The following TDRD1 variants were observed in gnomAD, a reference collection of about 807,000 sequenced individuals.
The protein encoded by TDRD1 is tudor domain-containing protein 1.
TDRD1 carries 37 observed loss-of-function variants against 140.6 expected under a neutral mutation model. The observed-to-expected ratio is 0.26, with a 90% CI of 0.20 to 0.35. The LOEUF (loss-of-function observed/expected upper bound fraction) is 0.35. Among genes scored for constraint, TDRD1 ranks in the 10% least tolerant of loss-of-function variants. TDRD1 has a pLI of 1.00. For synonymous variants in TDRD1, 506 were observed against 475.7 expected, an observed-to-expected ratio of 1.06 and a Z score of -0.83; for missense variants, 1,243 against 1,393.0, an observed-to-expected ratio of 0.89 and a Z score of 1.71.
chr10:114,227,329 A>T (rs1430425099), intron 23 of TDRD1, 30 bp downstream of exon 23: 1 of 1,437,238 alleles, frequency 7.0e-7, no homozygotes, highest in African/African-American at 1.4e-5. Flanking sequence ...TTAATAACAG[A>T]TGTTAAGTGT....
At chr10:114,230,959 G>A (rs1376000444) in intron 25 of TDRD1, among the ~76,000 whole-genome samples, 2 of 151,980 alleles carry the variant, frequency 1.3e-5, no homozygotes, top group Non-Finnish European at 2.9e-5. Flanking sequence ...CCCAGCTACT[G>A]GGGAGGCTGA....
At chr10:114,196,379 T>A (rs939952993) in intron 3 of TDRD1, among the ~76,000 whole-genome samples, 9 of 152,258 alleles carry the variant, frequency 5.9e-5, no homozygotes, top group African/African-American at 2.2e-4. Flanking sequence ...ATCTGAAAAG[T>A]CTTGATTTCC....
chr10:114,227,739 C>T (rs1479339003), intron 23 of TDRD1, among the ~76,000 whole-genome samples, 171 bp from the exon 24 acceptor site: 1 of 152,146 alleles, frequency 6.6e-6, no homozygotes, highest in Non-Finnish European at 1.5e-5. Flanking sequence ...TTAATGTGGT[C>T]AAATCCAGAC....
chr10:114,182,718 C>A (rs189026586), intron 1 of TDRD1, among the ~76,000 whole-genome samples: 411 of 148,296 alleles, frequency 2.8e-3, no homozygotes, highest in Admixed American at 5.1e-3. Context: ...GACAGTCTTG[C>A]TCTGTAGCCC....
chr10:114,201,576 C>T (rs1030911316), intron 5 of TDRD1, 61 bp downstream of exon 5: 7 of 1,412,762 alleles, frequency 5.0e-6, no homozygotes, highest in East Asian at 2.3e-5. Flanking sequence ...ATACAATAAG[C>T]GTCCAATTAG....
rs938140798 is a variant in TDRD1, at chr10:114,192,292, CTTTTTTTTTT to C, written c.384+1293_384+1302del. On this transcript the variant is annotated intron_variant, in intron 3 of 25. Transcript: ENST00000251864. ...TCCCCAAAAAAGTTTGATAGTTTTC[CTTTTTTTTTT>C]TTTTTTTTTTTTTTTTTTTGAGACG... Among the ~76,000 whole-genome samples the C allele has an allele frequency of 2.8e-4, 21 of 75,116 alleles. No individual in the cohort carries two copies. In the South Asian group the frequency reaches 4.8e-3, roughly 17 times the overall value. 49.3% of individuals were successfully genotyped at this position (75,116 alleles called of 152,430 possible). A position where few individuals can be genotyped will look rare whatever the true frequency, so the allele number is the denominator to read the frequency against.
intron 11 of TDRD1, among the ~76,000 whole-genome samples, chr10:114,210,004 G>A (rs2035378656): frequency 1.3e-5 from 2 of 152,128 alleles, no homozygotes; most frequent in Middle Eastern, 6.8e-3. Context: ...TCATTTCTGT[G>A]AGTTTTCTCT....
At chr10:114,208,178 A>G (rs1288644753) in intron 11 of TDRD1, among the ~76,000 whole-genome samples, 1 of 152,106 alleles carries the variant, frequency 6.6e-6, no homozygotes, top group African/African-American at 2.4e-5. Flanking sequence ...TAGGATGGGG[A>G]AGTATTGGTC....
In TDRD1 at chr10:114,213,408, C is replaced by T; in HGVS notation, c.1894C>T (p.Gln632Ter). Residue 632 changes from glutamine (Q) to a stop codon, truncating the protein, a stop_gained, in exon 15 of 26, where the codon CAG becomes TAG. Coordinates refer to ENST00000251864, the Ensembl canonical transcript of TDRD1. LOFTEE classifies it high-confidence loss of function. ...TATTTGTCTCATGAAAAAACTTGTA[C>T]AGAACAAAATAATCACAGTGAAAGT... 1 of 1,613,880 alleles carries T rather than the reference C, an allele frequency of 6.2e-7. No homozygotes were observed.
upstream of TDRD1, among the ~76,000 whole-genome samples, chr10:114,178,715 C>T (rs1253274612): frequency 1.3e-5 from 2 of 152,066 alleles, no homozygotes; most frequent in East Asian, 3.8e-4. Context: ...TACTTTGTCT[C>T]ACATTTACAA....
chr10:114,226,144 C>T lies in TDRD1; in HGVS notation c.3103C>T (p.Leu1035Phe), dbSNP rs141065182. 40 of 1,614,068 alleles carry T rather than the reference C, an allele frequency of 2.5e-5. No homozygotes were observed. In the African/African-American group the frequency reaches 5.1e-4, roughly 20 times the overall value. The change falls in exon 22 of 26, where the codon CTT becomes TTT. Residue 1035 changes from leucine to phenylalanine, a missense_variant. Leu to Phe is a conservative substitution (Grantham distance 22). This residue lies in a region of TDRD1 where 601 missense variants were observed against 734.7 expected (regional missense o/e 0.82). Coordinates refer to ENST00000251864, the Ensembl canonical transcript of TDRD1. ...CTATGGAAACATTGAAACCCTGCCT[C>T]TTTGCAGAGTGCAACCAATCACCTC...
chr10:114,214,011 G>T (rs2035651422), exon 16 of TDRD1: 3 of 1,613,686 alleles, frequency 1.9e-6, no homozygotes, highest in Admixed American at 1.7e-5. Context: ...TAAATCCATT[G>T]GAGTGGACAT....
At chr10:114,227,207 C>A in exon 23 of TDRD1, 1 of 1,614,008 alleles carries the variant, frequency 6.2e-7, no homozygotes, top group Non-Finnish European at 8.5e-7. Flanking sequence ...GAGAAATGTT[C>A]TGAGAATGGG....
intron 22 of TDRD1, among the ~76,000 whole-genome samples, chr10:114,226,488 G>A (rs2036444485): frequency 6.6e-6 from 1 of 152,210 alleles, no homozygotes; most frequent in African/African-American, 2.4e-5. Context: ...GCTAGTAAGT[G>A]GCAAGGCCAG....
chr10:114,230,111 G>A (rs1026071073), intron 25 of TDRD1, among the ~76,000 whole-genome samples: 5 of 152,200 alleles, frequency 3.3e-5, no homozygotes, highest in African/African-American at 4.8e-5. Flanking sequence ...GATTACAGGC[G>A]TGAGCCACTG....
intron 2 of TDRD1, among the ~76,000 whole-genome samples, chr10:114,189,492 A>G (rs190132998): frequency 1.3e-5 from 2 of 152,352 alleles, no homozygotes; most frequent in Admixed American, 6.5e-5. Context: ...CAAGCTTTCA[A>G]GCAATTTCGG....
At chr10:114,206,260 T>G (rs1276983866) in exon 11 of TDRD1, 14 of 1,613,448 alleles carry the variant, frequency 8.7e-6, no homozygotes, top group Non-Finnish European at 1.1e-5. Context: ...TTTTAGACCA[T>G]GTGCTTATAG....
In TDRD1 at chr10:114,227,961, G is replaced by T; in HGVS notation, c.3450+5G>T. The T allele has an allele frequency of 2.5e-6, 4 of 1,613,528 alleles. No individual in the cohort carries two copies. The highest frequency in any genetic ancestry group is 3.4e-6 in the Non-Finnish European group (4 of 1,179,670). On this transcript the variant is annotated splice_donor_5th_base_variant and intron_variant, in intron 24 of 25. Coordinates refer to ENST00000251864, the Ensembl canonical transcript of TDRD1. ...TGCACAGAGTTACAGAAACAAGTAG[G>T]TAAAATTTCCTTTAAGTGAAATTAT...
At chr10:114,204,963 G>T in intron 10 of TDRD1, 70 bp downstream of exon 10, 1 of 1,389,094 alleles carries the variant, frequency 7.2e-7, no homozygotes, top group Non-Finnish European at 9.5e-7. Context: ...CAGAAGAAAC[G>T]GAAACATCAA....
Sources: gnomAD v4.1 joint callset for allele counts (sites outside exome capture counted in the v4.1 genomes callset) on GRCh38, gnomAD v4.1.1 for gene constraint, gnomAD v4.1.1 regional missense constraint, MANE v1.5 for transcripts, NCBI Gene and HGNC (gene_info 2026-07-23, HGNC 2026-07-21) for gene names.